The following GPC6 variants were observed in gnomAD, a reference collection of about 807,000 sequenced individuals.
GPC6 encodes glypican 6.
Under a neutral mutation model 55.2 loss-of-function variants are expected in GPC6, and 14 were observed. That is an observed-to-expected ratio of 0.25 (90% CI 0.17 to 0.40). The LOEUF is 0.40. Among genes scored for constraint, GPC6 ranks in the 10% least tolerant of loss-of-function variants. The pLI is 1.00. For synonymous variants in GPC6, 278 were observed against 259.6 expected, an observed-to-expected ratio of 1.07 and a Z score of -0.68; for missense variants, 641 against 708.5, an observed-to-expected ratio of 0.90 and a Z score of 1.08.
chr13:94,042,884 G>A lies in GPC6; in HGVS notation c.877+14990G>A, dbSNP rs568020485. ...ATATATTAATTGGAATTCTTCCCCC[G>A]AAAAAGTGGATCTTTTTTCTCTCCC... On this transcript the variant is annotated intron_variant, in intron 4 of 8. Transcript: ENST00000377047. 2.8e-4 allele frequency among the ~76,000 whole-genome samples: 43 copies of A among 151,504 alleles called. No individual in the cohort carries two copies. The South Asian group carries it at 6.3e-3, about 22-fold the overall frequency.
Position 93,922,107 on chromosome 13 carries a change from G to T in GPC6, c.711+91562G>T, listed in dbSNP as rs185195211. ...AAAAGAAAAAGAAAAAAATGAAGAA[G>T]AAAGAGGGTCGTGATAGTGAAAAGG... On this transcript the variant is annotated intron_variant, in intron 3 of 8. Transcript: ENST00000377047. Among the ~76,000 whole-genome samples the T allele has an allele frequency of 1.1e-3, 175 of 152,276 alleles. 1 individual carries two copies. The highest frequency in any genetic ancestry group is 3.9e-3 in the African/African-American group (164 of 41,566).
chr13:93,878,137 C>T lies in GPC6; in HGVS notation c.711+47592C>T, dbSNP rs145541875. On this transcript the variant is annotated intron_variant, in intron 3 of 8. Transcript: ENST00000377047. ...AGGTTGAATGAGTTTACAGGGAGAG[C>T]GATGGGGAGATAGAAGAAAAGAGGA... 4.2e-4 allele frequency among the ~76,000 whole-genome samples: 64 copies of T among 151,804 alleles called. 1 individual carries two copies. The highest frequency in any genetic ancestry group is 1.3e-3 in the African/African-American group (54 of 41,414).
chr13:93,617,609 C>G (rs1013418139), intron 2 of GPC6, among the ~76,000 whole-genome samples: 9 of 152,054 alleles, frequency 5.9e-5, no homozygotes, highest in Non-Finnish European at 1.3e-4. Flanking sequence ...TTAATTCTCT[C>G]ATTTTATGTA....
intron 1 of GPC6, among the ~76,000 whole-genome samples, chr13:93,426,792 A>G (rs1003819994): frequency 6.6e-6 from 1 of 151,806 alleles, no homozygotes; most frequent in Non-Finnish European, 1.5e-5. Context: ...TTCTAGTTCT[A>G]GATCCCTGAG....
At chr13:93,680,328 A>T (rs1881802090) in intron 2 of GPC6, among the ~76,000 whole-genome samples, 1 of 152,148 alleles carries the variant, frequency 6.6e-6, no homozygotes, top group African/African-American at 2.4e-5. Flanking sequence ...GAAGGAACCG[A>T]CTATGCCAAC....
rs184534244 is a variant in GPC6, at chr13:94,113,021, T to C, written c.877+85127T>C. On this transcript the variant is annotated intron_variant, in intron 4 of 8. Transcript: ENST00000377047. ...GATACTTAATTCTCTTTGGCAACTCTTAGAGCCTGTCATAAAATGTTTTTT... is the reference window on the plus strand; with the variant it reads ...GATACTTAATTCTCTTTGGCAACTCCTAGAGCCTGTCATAAAATGTTTTTT... Among the ~76,000 whole-genome samples, 103 of 152,274 alleles carry C rather than the reference T, an allele frequency of 6.8e-4. 1 individual carries two copies. Among genetic ancestry groups the C allele is most frequent in the Admixed American group, 3.0e-3 (46 of 15,278 alleles).
At chr13:94,190,194 G>T (rs1408095620) in intron 4 of GPC6, among the ~76,000 whole-genome samples, 1 of 151,782 alleles carries the variant, frequency 6.6e-6, no homozygotes, top group Admixed American at 6.6e-5. Flanking sequence ...ATGGTGGTGG[G>T]TGCCTGTAAT....
chr13:93,260,324 T>C (rs1007107234), intron 1 of GPC6, among the ~76,000 whole-genome samples: 2 of 152,144 alleles, frequency 1.3e-5, no homozygotes, highest in Non-Finnish European at 2.9e-5. Context: ...AAAATAATTT[T>C]ATTAATACCA....
At chr13:93,796,569 T>C (rs112451471) in intron 2 of GPC6, among the ~76,000 whole-genome samples, 27 of 152,268 alleles carry the variant, frequency 1.8e-4, no homozygotes, top group African/African-American at 6.0e-4. Flanking sequence ...AATCAAAAGA[T>C]AGTAAGACTG....
chr13:93,658,817 G>T (rs925561472), intron 2 of GPC6, among the ~76,000 whole-genome samples: 1 of 151,644 alleles, frequency 6.6e-6, no homozygotes, highest in African/African-American at 2.4e-5. Context: ...GTTCATGAAG[G>T]ATGTAGGTCA....
In GPC6 at chr13:93,761,940, T is replaced by C. The variant is rs2138878061; in HGVS notation, c.320-68214T>C. ...TATTATTAACCATAGTTGCCATCTGTCCAATAGAACACCAGAAGTCATTCC... is the reference window on the plus strand; with the variant it reads ...TATTATTAACCATAGTTGCCATCTGCCCAATAGAACACCAGAAGTCATTCC... On this transcript the variant is annotated intron_variant, in intron 2 of 8. Transcript: ENST00000377047. 2.0e-5 allele frequency among the ~76,000 whole-genome samples: 3 copies of C among 152,274 alleles called. No homozygotes were observed. The East Asian group carries it at 5.8e-4, about 29-fold the overall frequency.
At chr13:93,694,217 G>A (rs1455019982) in intron 2 of GPC6, among the ~76,000 whole-genome samples, 2 of 151,942 alleles carry the variant, frequency 1.3e-5, no homozygotes, top group African/African-American at 2.4e-5. Context: ...TTTTACTTAC[G>A]GCACAATGTT....
intron 3 of GPC6, among the ~76,000 whole-genome samples, chr13:93,985,409 C>G (rs987874065): frequency 1.3e-5 from 2 of 151,908 alleles, no homozygotes; most frequent in African/African-American, 4.8e-5. Context: ...TGCACTCCAG[C>G]CCGGGCAACA....
At chr13:93,409,546 A>G (rs9556289) in intron 1 of GPC6, among the ~76,000 whole-genome samples, 2 of 151,962 alleles carry the variant, frequency 1.3e-5, no homozygotes, top group African/African-American at 4.8e-5. Context: ...TTCTCTTTCA[A>G]CTTGCATCTA....
intron 3 of GPC6, among the ~76,000 whole-genome samples, chr13:93,897,307 G>A (rs1876071939): frequency 6.6e-6 from 1 of 151,984 alleles, no homozygotes; most frequent in Non-Finnish European, 1.5e-5. Context: ...TTTCAAAATA[G>A]TTAGGAGAGA....
chr13:94,109,210 A>T (rs1429043224), intron 4 of GPC6, among the ~76,000 whole-genome samples: 1 of 152,200 alleles, frequency 6.6e-6, no homozygotes, highest in African/African-American at 2.4e-5. Context: ...GACTGTCATG[A>T]ATGAGTGCCC....
In GPC6 at chr13:93,738,713, G is replaced by A. The variant is rs539905357; in HGVS notation, c.320-91441G>A. Among the ~76,000 whole-genome samples the A allele has an allele frequency of 8.5e-5, 13 of 152,158 alleles. No homozygotes were observed. The South Asian group carries it at 2.5e-3, about 29-fold the overall frequency. ...GCACCCCTCGTAGGAAGCCATATTA[G>A]AATTTCAGATTGTGGACTGGACAGT... On this transcript the variant is annotated intron_variant, in intron 2 of 8. Coordinates refer to ENST00000377047, the MANE Select transcript of GPC6 (RefSeq NM_005708.5).
At chr13:93,220,174 A>G in the GPC6 span, among the ~76,000 whole-genome samples, 1 of 152,246 alleles carries the variant, frequency 6.6e-6, no homozygotes, top group Non-Finnish European at 1.5e-5. Flanking sequence ...CCATTTTAAT[A>G]AAGAGTAAAT....
At chr13:94,151,990 G>C (rs1299505024) in intron 4 of GPC6, among the ~76,000 whole-genome samples, 8 of 151,538 alleles carry the variant, frequency 5.3e-5, no homozygotes, top group Non-Finnish European at 1.0e-4. Context: ...CCTCCATTCA[G>C]TGTGGAAGGA....
Sources: gnomAD v4.1 joint callset for allele counts (sites outside exome capture counted in the v4.1 genomes callset) on GRCh38, gnomAD v4.1.1 for gene constraint, MANE v1.5 for transcripts, NCBI Gene and HGNC (gene_info 2026-07-23, HGNC 2026-07-21) for gene names.